Variants in EDIL3 observed in about 807,000 individuals in gnomAD.
EDIL3 encodes the protein EGF like and discoidin domains 3.
A neutral mutation model predicts 67.4 loss-of-function variants in EDIL3; 37 were observed. That is an observed-to-expected ratio of 0.55 (90% CI 0.42 to 0.72). The LOEUF is 0.72. Among genes scored for constraint, EDIL3 ranks in the 30% least tolerant of loss-of-function variants. EDIL3 has a pLI of 0.00. For synonymous variants in EDIL3, 195 were observed against 196.3 expected (o/e 0.99, Z 0.05); for missense variants, 527 against 586.3 (o/e 0.90, Z 1.04).
chr5:84,193,827 C>A (rs141656187), intron 3 of EDIL3, among the ~76,000 whole-genome samples: 1 of 151,972 alleles, frequency 6.6e-6, no homozygotes, highest in Non-Finnish European at 1.5e-5. Context: ...TTATGTAACA[C>A]CTCTCTGTTT....
intron 10 of EDIL3, among the ~76,000 whole-genome samples, chr5:83,955,921 T>C (rs1420665198): frequency 6.6e-6 from 1 of 151,836 alleles, no homozygotes; most frequent in African/African-American, 2.4e-5. Context: ...TGAACTAATA[T>C]ACAAAGGATT....
chr5:84,214,604 A>G (rs995799380), intron 3 of EDIL3, among the ~76,000 whole-genome samples: 7 of 152,150 alleles, frequency 4.6e-5, no homozygotes, highest in African/African-American at 1.7e-4. Flanking sequence ...CAGCATCTTT[A>G]ATATTCTTAT....
chr5:84,279,575 T>C (rs1469009664), intron 1 of EDIL3, among the ~76,000 whole-genome samples: 1 of 152,166 alleles, frequency 6.6e-6, no homozygotes, highest in African/African-American at 2.4e-5. Context: ...AAGCTATTAT[T>C]TACTTTGAAT....
chr5:84,046,067 T>A (rs1387698673), intron 9 of EDIL3, among the ~76,000 whole-genome samples: 2 of 152,132 alleles, frequency 1.3e-5, no homozygotes, highest in African/African-American at 4.8e-5. Flanking sequence ...TATCGTTGGG[T>A]TGTGGGCAGA....
intron 9 of EDIL3, among the ~76,000 whole-genome samples, chr5:84,036,369 T>C (rs1451176384): frequency 6.6e-6 from 1 of 152,216 alleles, no homozygotes; most frequent in East Asian, 1.9e-4. Context: ...TCCTGGCAAG[T>C]ATCAATAAGA....
chr5:84,251,613 G>A (rs60879387), intron 2 of EDIL3, among the ~76,000 whole-genome samples: 2 of 152,180 alleles, frequency 1.3e-5, no homozygotes, highest in East Asian at 1.9e-4. Flanking sequence ...CTAAGAAAAA[G>A]CAGTAGAAAG....
At chr5:83,950,515 T>G (rs955463256) in intron 10 of EDIL3, among the ~76,000 whole-genome samples, 24 of 151,828 alleles carry the variant, frequency 1.6e-4, no homozygotes, top group Admixed American at 1.6e-3. Context: ...GCTTTAAAGT[T>G]GATTGTGAAC....
At chr5:84,182,809 ATTT>A (rs5869214) in intron 3 of EDIL3, among the ~76,000 whole-genome samples, 1 of 149,036 alleles carries the variant, frequency 6.7e-6, no homozygotes. Flanking sequence ...GGGCTCTGTG[ATTT>A]TTTTTTTTTG....
chr5:84,363,342 C>T (rs1747653791), intron 1 of EDIL3, among the ~76,000 whole-genome samples: 1 of 150,696 alleles, frequency 6.6e-6, no homozygotes, highest in South Asian at 2.1e-4. Flanking sequence ...CCCAGCTACT[C>T]GGGAGGCTGA....
At chr5:84,304,387 T>C (rs1746223213) in intron 1 of EDIL3, among the ~76,000 whole-genome samples, 2 of 152,220 alleles carry the variant, frequency 1.3e-5, no homozygotes, top group South Asian at 4.1e-4. Context: ...GCTTTCTCAA[T>C]GTGTTACAGA....
chr5:83,963,057 T>C, intron 10 of EDIL3, 148 bp downstream of exon 10: 1 of 1,100,162 alleles, frequency 9.1e-7, no homozygotes, highest in Admixed American at 3.0e-5. Flanking sequence ...TTTACAGTAC[T>C]ATTCTTTAAA....
intron 1 of EDIL3, among the ~76,000 whole-genome samples, chr5:84,271,816 T>C (rs1745477729): frequency 6.6e-6 from 1 of 152,130 alleles, no homozygotes; most frequent in Admixed American, 6.5e-5. Context: ...CCAGGGTCAA[T>C]ATAGAAACTC....
At chr5:84,009,641 C>T (rs747611809) in intron 9 of EDIL3, among the ~76,000 whole-genome samples, 2 of 152,024 alleles carry the variant, frequency 1.3e-5, no homozygotes, top group African/African-American at 2.4e-5. Context: ...TTAATGATAT[C>T]GAGAGCTGTC....
chr5:84,363,343 G>A (rs910747270), intron 1 of EDIL3, among the ~76,000 whole-genome samples: 12 of 151,690 alleles, frequency 7.9e-5, no homozygotes, highest in African/African-American at 2.4e-4. Flanking sequence ...CCAGCTACTC[G>A]GGAGGCTGAG....
chr5:84,083,650 T>C (rs1156743606), intron 6 of EDIL3, among the ~76,000 whole-genome samples: 1 of 152,098 alleles, frequency 6.6e-6, no homozygotes, highest in Non-Finnish European at 1.5e-5. Flanking sequence ...ACAATGGTAG[T>C]AAAATGCTAT....
At chr5:84,067,466 TATG>T (rs997397182) in intron 6 of EDIL3, among the ~76,000 whole-genome samples, 1 of 152,214 alleles carries the variant, frequency 6.6e-6, no homozygotes, top group African/African-American at 2.4e-5. Flanking sequence ...AAAATGCCTT[TATG>T]ATGTCTATAA....
chr5:84,228,839 T>C (rs537872816), intron 3 of EDIL3, among the ~76,000 whole-genome samples: 10 of 152,104 alleles, frequency 6.6e-5, no homozygotes, highest in African/African-American at 2.4e-4. Flanking sequence ...GGCCTATGAA[T>C]TGAACTGACC....
At chr5:84,177,583 G>A (rs1748943491) in intron 4 of EDIL3, among the ~76,000 whole-genome samples, 1 of 152,056 alleles carries the variant, frequency 6.6e-6, no homozygotes, top group Non-Finnish European at 1.5e-5. Context: ...ACGGACTTTG[G>A]TAATAAGGTA....
At chr5:84,339,847 C>T (rs1747064248) in intron 1 of EDIL3, among the ~76,000 whole-genome samples, 1 of 152,014 alleles carries the variant, frequency 6.6e-6, no homozygotes, top group Non-Finnish European at 1.5e-5. Context: ...CCTAGAGACA[C>T]TTTCTTAAGT....
Sources: gnomAD v4.1 joint callset for allele counts (sites outside exome capture counted in the v4.1 genomes callset) on GRCh38, gnomAD v4.1.1 for gene constraint, MANE v1.5 for transcripts, NCBI Gene and HGNC (gene_info 2026-07-23, HGNC 2026-07-21) for gene names.